Variants in DCHS1 observed in about 807,000 individuals in gnomAD.
DCHS1 encodes the protein dachsous cadherin-related 1.
DCHS1 carries 78 observed loss-of-function variants against 213.9 expected under a neutral mutation model. The ratio of observed to expected loss-of-function variants is 0.36; its 90% confidence interval spans 0.30 to 0.44. The LOEUF is 0.44. Among genes scored for constraint, DCHS1 ranks in the 20% least tolerant of loss-of-function variants. The pLI, the probability that DCHS1 is intolerant of heterozygous loss-of-function variation, is 1.00. For missense variants in DCHS1, 3,946 were observed against 4,395.9 expected (o/e 0.90, Z 2.89); for synonymous variants, 1,828 against 1,873.7 (o/e 0.98, Z 0.63).
chr11:6,647,948 G>A (rs1016231652), intron 1 of DCHS1, among the ~76,000 whole-genome samples: 1 of 152,084 alleles, frequency 6.6e-6, no homozygotes, highest in East Asian at 1.9e-4. Context: ...AGGAGGTGAA[G>A]GTAAGAAGAC....
intron 1 of DCHS1, among the ~76,000 whole-genome samples, chr11:6,654,538 T>C (rs192789379): frequency 1.2e-3 from 176 of 152,238 alleles, no homozygotes; most frequent in African/African-American, 4.1e-3. Context: ...GCAGCATTTC[T>C]CCTGTGGGTG....
At position 6,622,604 on chromosome 11, in the gene DCHS1, G is replaced by T; in HGVS notation, c.9072C>A (p.Ser3024=). The T allele has an allele frequency of 1.9e-6, 3 of 1,581,736 alleles. No homozygotes were observed. The highest frequency in any genetic ancestry group is 1.8e-5 in the Admixed American group (1 of 54,934). Residue 3024 remains serine, a synonymous_variant, in exon 21 of 21, where the codon TCC becomes TCA. Coordinates refer to ENST00000299441, the MANE Select transcript of DCHS1 (RefSeq NM_003737.4). This position sits in a 1 kb window ranked among gnomAD's most constrained non-coding sequence, Gnocchi z 5.4. ...GAGGPYPRGG[S]LDPSHSSGRG... ...GGCCACTTGAATGTGAAGGGTCCAA[G>T]GAGCCACCACGGGGGTAGGGTCCTC... is the stretch of plus-strand genomic sequence containing the variant.
At chr11:6,634,831 T>C (rs1855965667) in intron 2 of DCHS1, 1 of 152,128 alleles carries the variant, frequency 6.6e-6, no homozygotes, top group Admixed American at 6.5e-5. Flanking sequence ...TTTACAAGCA[T>C]GAGAGCCCAA....
In DCHS1 at chr11:6,628,814, C is replaced by T. The variant is rs1483062800; in HGVS notation, c.5178G>A (p.Arg1726=). The T allele has an allele frequency of 3.7e-6, 6 of 1,613,518 alleles. No individual in the cohort carries two copies. Among genetic ancestry groups the T allele is most frequent in the Non-Finnish European group, 3.4e-6 (4 of 1,179,692 alleles). Residue 1726 remains arginine (R), a synonymous_variant, in exon 13 of 21, where the codon AGG becomes AGA. Transcript: ENST00000299441. This position sits in a 1 kb window ranked among gnomAD's most constrained non-coding sequence, Gnocchi z 4.3. The stretch of plus-strand genomic sequence containing the variant: ...CATGCGTTAACTGAGGAGGTGAGCC[C>T]CTGTCCTGGGCATACACTGTGGGGA... The part of the protein sequence containing the change: ...EINLTVYAQD[R]GSPPQLTHVT...
rs1855788365 is a variant in DCHS1, at chr11:6,625,782, G to A, written c.6732-55C>T. On this transcript the variant is annotated intron_variant, in intron 17 of 20. Coordinates refer to ENST00000299441, the MANE Select transcript of DCHS1 (RefSeq NM_003737.4). The surrounding 1 kb of genome is among the most constrained non-coding windows in gnomAD (Gnocchi z 5.3). ...ACATGGCAATAAGGGGGAACTCTGG[G>A]CAGGGCCAGGAGGACTCAGGACAGA... 2.5e-6 allele frequency: 4 copies of A among 1,587,144 alleles called. No homozygotes were observed. In the Admixed American group the frequency reaches 7.1e-5, roughly 28 times the overall value.
At chr11:6,645,701 T>G (rs1267950843) in intron 1 of DCHS1, among the ~76,000 whole-genome samples, 1 of 152,134 alleles carries the variant, frequency 6.6e-6, no homozygotes, top group Non-Finnish European at 1.5e-5. Context: ...AAACAACTCC[T>G]TCTCTCAACC....
Position 6,641,094 on chromosome 11 carries a change from G to T in DCHS1, c.520C>A (p.Arg174Ser), listed in dbSNP as rs775548805. Reference protein sequence around the residue: ...LEPARDADAGRLGTQGYALSG... With the variant: ...LEPARDADAGSLGTQGYALSG... ...AGCGCATAGCCCTGGGTTCCCAGAC[G>T]CCCAGCATCTGCATCACGAGCAGGC... is the stretch of plus-strand genomic sequence containing the variant. The change falls in exon 2 of 21, where the codon CGT becomes AGT. Residue 174 changes from arginine to serine, a missense_variant. Arg to Ser is a moderately radical substitution (Grantham distance 110). Around this residue, in one of 3 missense-constraint regions of DCHS1, gnomAD observed 3,384 missense variants for 3,780.1 expected, o/e 0.90. Coordinates refer to ENST00000299441, the MANE Select transcript of DCHS1 (RefSeq NM_003737.4). This position sits in a 1 kb window ranked among gnomAD's most constrained non-coding sequence, Gnocchi z 7.1. 1.2e-6 allele frequency: 2 copies of T among 1,613,814 alleles called. No individual in the cohort carries two copies. The highest frequency in any genetic ancestry group is 3.3e-5 in the Admixed American group (2 of 60,008).
At chr11:6,633,734 A>G (rs1266443248) in intron 4 of DCHS1, 55 bp downstream of exon 4, 3 of 1,598,132 alleles carry the variant, frequency 1.9e-6, no homozygotes, top group Non-Finnish European at 2.6e-6. Flanking sequence ...GACATCATTT[A>G]GGCAGGTGGG....
chr11:6,631,289 TCTC>T lies in DCHS1; in HGVS notation c.3772+19_3772+21del, dbSNP rs561000514. ...TGAGGGCATGCCATCACCCACCAAT[TCTC>T]CTCTCTCCACTCCCATACCAGTTAG... On this transcript the variant is annotated intron_variant, in intron 8 of 20. Transcript: ENST00000299441. The T allele has an allele frequency of 1.6e-4, 257 of 1,613,694 alleles. No homozygotes were observed. The African/African-American group carries it at 2.9e-3, about 18-fold the overall frequency.
chr11:6,639,808 C>T lies in DCHS1; in HGVS notation c.1797+9G>A, dbSNP rs1486085530. On this transcript the variant is annotated intron_variant, in intron 2 of 20. Transcript: ENST00000299441. ...CAACACTATCTTGCTATGTGCCAGG[C>T]CTACCCACCTGCAGGAAGCAAGTTC... is the stretch of plus-strand genomic sequence containing the variant. 6.3e-7 allele frequency: 1 copy of T among 1,580,432 alleles called. No homozygotes were observed. Among genetic ancestry groups the T allele is most frequent in the Non-Finnish European group, 8.6e-7 (1 of 1,160,012 alleles).
In DCHS1 at chr11:6,622,966, C is replaced by T. The variant is rs761379816; in HGVS notation, c.8710G>A (p.Ala2904Thr). Residue 2904 changes from alanine (A) to threonine (T), a missense_variant, in exon 21 of 21, where the codon GCA (alanine) becomes ACA (threonine). By Grantham distance (58) the Ala-to-Thr change is moderately conservative. This residue lies in a region of DCHS1 where 554 missense variants were observed against 590.2 expected (regional missense o/e 0.94). Transcript: ENST00000299441. The surrounding 1 kb of genome is among the most constrained non-coding windows in gnomAD (Gnocchi z 5.4). ...CGGGAACCAGGCAGAGGCCCCCGTG[C>T]TATCACCTCCAGCCTCAGCTCCCGT... ...APRELRLEVI[A>T]RGPLPGSRSA... The T allele has an allele frequency of 1.3e-6, 2 of 1,575,592 alleles. No individual in the cohort carries two copies. Among genetic ancestry groups the T allele is most frequent in the South Asian group, 1.2e-5 (1 of 86,054 alleles).
chr11:6,634,290 G>A lies in DCHS1; in HGVS notation c.1814C>T (p.Ala605Val), dbSNP rs368754990. Reference protein sequence around the residue: ...TCFLQVTATDADSGPFGLLSY... With the variant: ...TCFLQVTATDVDSGPFGLLSY... ...GAGGAGGCCAAATGGGCCACTATCC[G>A]CGTCTGTGGCTGTCACCTAGGGAGA... Residue 605 changes from alanine to valine, a missense_variant, in exon 3 of 21, where the codon GCG becomes GTG. Physicochemically the swap from Ala to Val is moderately conservative, Grantham distance 64. Around this residue, in one of 3 missense-constraint regions of DCHS1, gnomAD observed 3,384 missense variants for 3,780.1 expected, o/e 0.90. Transcript: ENST00000299441. 4.7e-5 allele frequency: 75 copies of A among 1,602,076 alleles called. No homozygotes were observed. The highest frequency in any genetic ancestry group is 2.0e-4 in the East Asian group (9 of 44,688).
rs770136241 is a variant in DCHS1 at position 6,627,222 on chromosome 11, G to A, written c.5817C>T (p.Pro1939=). 7.4e-6 allele frequency: 12 copies of A among 1,613,122 alleles called. No individual in the cohort carries two copies. The Admixed American group carries it at 1.7e-4, about 22-fold the overall frequency. The part of the protein sequence containing the change: ...VSAVDGAAAG[P]LSTTVSVTIT... ...TGGTGACAGACACTGTGGTGCTTAG[G>A]GGCCCAGCAGCTGCACCATCCACTG... Residue 1939 remains proline (P), a synonymous_variant, in exon 14 of 21, where the codon CCC becomes CCT. Transcript: ENST00000299441. The surrounding 1 kb of genome is among the most constrained non-coding windows in gnomAD (Gnocchi z 5.4).
In DCHS1 at chr11:6,640,558, C is replaced by T; in HGVS notation, c.1056G>A (p.Val352=). 1 of 1,609,394 alleles carries T rather than the reference C, an allele frequency of 6.2e-7. No individual in the cohort carries two copies. Among genetic ancestry groups the T allele is most frequent in the Non-Finnish European group, 8.5e-7 (1 of 1,179,846 alleles). Residue 352 remains valine (V), a synonymous_variant, in exon 2 of 21, where the codon GTG becomes GTA. Coordinates refer to ENST00000299441, the MANE Select transcript of DCHS1 (RefSeq NM_003737.4). The surrounding 1 kb of genome is among the most constrained non-coding windows in gnomAD (Gnocchi z 6.5). ...AGGGCTGATTGTCATTGGCATCTCGCACATGCACAGTCACAAAGGCCGAGC... is the reference window on the plus strand; with the variant it reads ...AGGGCTGATTGTCATTGGCATCTCGTACATGCACAGTCACAAAGGCCGAGC... ...ELGSAFVTVH[V]RDANDNQPSM... is the part of the protein sequence containing the mutation.
Position 6,627,089 on chromosome 11 carries a change from C to A in DCHS1, c.5950G>T (p.Ala1984Ser). 2 of 1,613,382 alleles carry A rather than the reference C, an allele frequency of 1.2e-6. No homozygotes were observed. The highest frequency in any genetic ancestry group is 1.7e-6 in the Non-Finnish European group (2 of 1,179,786). Residue 1984 changes from alanine (A) to serine (S), a missense_variant, in exon 14 of 21, where the codon GCC becomes TCC. Physicochemically the swap from Ala to Ser is moderately conservative, Grantham distance 99 (BLOSUM62 1). Around this residue, in one of 3 missense-constraint regions of DCHS1, gnomAD observed 3,384 missense variants for 3,780.1 expected, o/e 0.90. Coordinates refer to ENST00000299441, the MANE Select transcript of DCHS1 (RefSeq NM_003737.4). This position sits in a 1 kb window ranked among gnomAD's most constrained non-coding sequence, Gnocchi z 5.4. ...PSFSTPTLAL[A>S]TLRAEDRDAG... ...TCACGATCTTCAGCTCTCAGTGTGGCCAGAGCCAGGGTTGGGGTACTGAAG... is the reference window on the plus strand; with the variant it reads ...TCACGATCTTCAGCTCTCAGTGTGGACAGAGCCAGGGTTGGGGTACTGAAG...
Position 6,632,507 on chromosome 11 carries a change from C to T in DCHS1, c.3005G>A (p.Ser1002Asn). 3.2e-6 allele frequency: 5 copies of T among 1,554,554 alleles called. No individual in the cohort carries two copies. Among genetic ancestry groups the T allele is most frequent in the Non-Finnish European group, 4.4e-6 (5 of 1,148,778 alleles). ...GGGCAGGTCCACACGGTAGGTAGGG[C>T]TGTTGAATCGGGGAGCCAGCCCACG... The part of the protein sequence containing the change: ...GTRGLAPRFN[S>N]PTYRVDLPSG... The change falls in exon 6 of 21, where the codon AGC becomes AAC. Residue 1002 changes from serine (S) to asparagine (N), a missense_variant. Physicochemically the swap from Ser to Asn is conservative, Grantham distance 46. Transcript: ENST00000299441. This position sits in a 1 kb window ranked among gnomAD's most constrained non-coding sequence, Gnocchi z 5.9.
In DCHS1 at chr11:6,623,384, T is replaced by C. The variant is rs763012228; in HGVS notation, c.8292A>G (p.Thr2764=). 90 of 1,597,838 alleles carry C rather than the reference T, an allele frequency of 5.6e-5. No homozygotes were observed. In the Admixed American group the frequency reaches 1.5e-3, roughly 27 times the overall value. The part of the protein sequence containing the change: ...GREAFALNSS[T]GELRARVPFD... ...AGGGCACTCGCGCACGCAACTCCCC[T>C]GTTGAGCTGTTCAGTGCAAATGCCT... The change falls in exon 21 of 21, where the codon ACA becomes ACG. Residue 2764 remains threonine, a synonymous_variant. Coordinates refer to ENST00000299441, the MANE Select transcript of DCHS1 (RefSeq NM_003737.4).
intron 1 of DCHS1, among the ~76,000 whole-genome samples, chr11:6,642,980 GCTGA>G (rs1856101797): frequency 6.6e-6 from 1 of 152,170 alleles, no homozygotes; most frequent in Non-Finnish European, 1.5e-5. Flanking sequence ...GGCCGGGCTT[GCTGA>G]CTGTTTGAAG....
chr11:6,634,280 G>T lies in DCHS1; in HGVS notation c.1824C>A (p.Gly608=). The T allele has an allele frequency of 2.5e-6, 4 of 1,609,248 alleles. No homozygotes were observed. The highest frequency in any genetic ancestry group is 3.4e-6 in the Non-Finnish European group (4 of 1,177,248). The change falls in exon 3 of 21, where the codon GGC becomes GGA. Residue 608 remains glycine, a synonymous_variant. Transcript: ENST00000299441. ...LQVTATDADS[G]PFGLLSYSLG... ...AGGAATAGGAGAGGAGGCCAAATGG[G>T]CCACTATCCGCGTCTGTGGCTGTCA...
Sources: gnomAD v4.1 joint callset for allele counts (sites outside exome capture counted in the v4.1 genomes callset) on GRCh38, gnomAD v4.1.1 for gene constraint, gnomAD v4.1.1 regional missense constraint, Gnocchi (gnomAD v3.1) non-coding constraint, MANE v1.5 for transcripts, NCBI Gene and HGNC (gene_info 2026-07-23, HGNC 2026-07-21) for gene names.